The following ATP2C1 variants were observed in gnomAD, a reference collection of about 807,000 sequenced individuals.
ATP2C1 encodes ATPase secretory pathway Ca2+ transporting 1, also known as calcium-transporting ATPase type 2C member 1.
ATP2C1 carries 31 observed loss-of-function variants against 120.5 expected under a neutral mutation model. That is an observed-to-expected ratio of 0.26 (90% CI 0.19 to 0.35). The LOEUF (loss-of-function observed/expected upper bound fraction) is 0.35. Ranked by LOEUF, ATP2C1 falls within the 10% of genes least tolerant of loss-of-function variation. The pLI is 1.00. For synonymous variants in ATP2C1, 351 were observed against 358.7 expected, an observed-to-expected ratio of 0.98 and a Z score of 0.24; for missense variants, 731 against 1,107.5, an observed-to-expected ratio of 0.66 and a Z score of 4.83.
intron 4 of ATP2C1, 61 bp downstream of exon 4, chr3:130,932,199 G>A (rs1263637096): frequency 2.9e-6 from 3 of 1,033,410 alleles, no homozygotes; most frequent in Non-Finnish European, 4.6e-6. Flanking sequence ...CTTCTGTTAT[G>A]TAGTTGCTTA....
chr3:130,982,067 T>C (rs2061792026), intron 20 of ATP2C1, among the ~76,000 whole-genome samples: 1 of 152,166 alleles, frequency 6.6e-6, no homozygotes, highest in Non-Finnish European at 1.5e-5. Context: ...TGGACTATGC[T>C]TTTGATATCT....
chr3:130,883,307 A>C (rs2068844849), intron 1 of ATP2C1, among the ~76,000 whole-genome samples: 2 of 151,028 alleles, frequency 1.3e-5, no homozygotes, highest in Non-Finnish European at 1.5e-5. Flanking sequence ...TTTTTGTTTC[A>C]TTGACATTTT....
intron 24 of ATP2C1, 86 bp from the exon 25 acceptor site, chr3:130,997,520 G>A (rs985605274): frequency 3.6e-5 from 46 of 1,278,874 alleles, no homozygotes; most frequent in East Asian, 2.6e-4. Context: ...TTAGTTTGCC[G>A]AATAATTGAG....
chr3:130,877,136 A>G (rs2068629840), intron 1 of ATP2C1, among the ~76,000 whole-genome samples: 1 of 152,152 alleles, frequency 6.6e-6, no homozygotes, highest in African/African-American at 2.4e-5. Context: ...TGATATAAGT[A>G]TAGCTACTCC....
At position 130,941,222 on chromosome 3, in the gene ATP2C1, C is replaced by CTGTGTGTGTG. The variant is rs1448986686; in HGVS notation, c.423-369_423-368insTGTGTGTGTG. On this transcript the variant is annotated intron_variant, in intron 7 of 27. Transcript: ENST00000510168. ...AGCCACCGCGCCCGGCTGTATTTAACAGTGTGTGTGTGTGTGTGTGTGTGT... is the reference window on the plus strand; with the variant it reads ...AGCCACCGCGCCCGGCTGTATTTAACTGTGTGTGTGAGTGTGTGTGTGTGTGTGTGTGTGT... Among the ~76,000 whole-genome samples, 161 of 105,206 alleles carry CTGTGTGTGTG rather than the reference C, an allele frequency of 1.5e-3. 1 individual carries two copies. Among genetic ancestry groups the CTGTGTGTGTG allele is most frequent in the African/African-American group, 5.0e-3 (145 of 29,228 alleles). The allele number at this position is 105,206 out of a possible 152,430, so 69.0% of individuals were successfully genotyped here.
chr3:130,991,931 G>A (rs1053648360), intron 20 of ATP2C1, among the ~76,000 whole-genome samples: 3 of 152,192 alleles, frequency 2.0e-5, no homozygotes, highest in Non-Finnish European at 4.4e-5. Flanking sequence ...TTGCAGGTAC[G>A]AGGAGAGAAA....
chr3:130,898,295 C>T (rs2069820456), intron 2 of ATP2C1, among the ~76,000 whole-genome samples: 1 of 152,142 alleles, frequency 6.6e-6, no homozygotes, highest in Non-Finnish European at 1.5e-5. Context: ...GTTGTATTTA[C>T]ACTTTACTTT....
At chr3:130,931,086 G>A (rs760580863) in intron 3 of ATP2C1, among the ~76,000 whole-genome samples, 8 of 152,010 alleles carry the variant, frequency 5.3e-5, no homozygotes, top group Non-Finnish European at 1.0e-4. Context: ...TCCTTCAGCA[G>A]TCACATATCT....
At position 130,953,874 on chromosome 3, in the gene ATP2C1, T is replaced by G. The variant is rs2760272; in HGVS notation, c.585T>G (p.Cys195Trp). 6.2e-7 allele frequency: 1 copy of G among 1,613,974 alleles called. No individual in the cohort carries two copies. The highest frequency in any genetic ancestry group is 1.3e-5 in the African/African-American group (1 of 74,930). ...ESSLTGETTP[C>W]SKVTAPQPAA... ...GCTTGACAGGTGAGACAACGCCTTG[T>G]TCTAAGGTGACAGCTCCTCAGCCAG... The change falls in exon 9 of 28, where the codon TGT (cysteine) becomes TGG (tryptophan). Residue 195 changes from cysteine to tryptophan, a missense_variant. Cys to Trp is a radical substitution (Grantham distance 215). This residue lies in a region of ATP2C1 where 571 missense variants were observed against 845.9 expected (regional missense o/e 0.67). Coordinates refer to ENST00000510168, the MANE Select transcript of ATP2C1 (RefSeq NM_001378687.1).
chr3:130,940,460 A>C (rs1216852127), intron 6 of ATP2C1, among the ~76,000 whole-genome samples, 170 bp from the exon 7 acceptor site: 3 of 152,220 alleles, frequency 2.0e-5, no homozygotes, highest in African/African-American at 7.2e-5. Context: ...TGATCTCTAC[A>C]TTTAACATTT....
At chr3:130,885,837 G>C (rs1471998389) in intron 1 of ATP2C1, among the ~76,000 whole-genome samples, 1 of 152,140 alleles carries the variant, frequency 6.6e-6, no homozygotes, top group East Asian at 1.9e-4. Flanking sequence ...TTACCAGCGA[G>C]TTTGTACATA....
intron 8 of ATP2C1, among the ~76,000 whole-genome samples, chr3:130,947,872 A>G (rs536953134): frequency 6.6e-6 from 1 of 151,826 alleles, no homozygotes; most frequent in East Asian, 1.9e-4. Context: ...CTTAGTGATT[A>G]TATGTGGATT....
downstream of ATP2C1, among the ~76,000 whole-genome samples, chr3:131,003,624 GATGAAACAAAAGTGAAACC>G (rs1367334687): frequency 6.6e-6 from 1 of 152,206 alleles, no homozygotes; most frequent in Non-Finnish European, 1.5e-5. Context: ...ATGACCCAGA[GATGAAACAAAAGTGAAACC>G]ATGAAACCCG....
At position 130,944,887 on chromosome 3, in the gene ATP2C1, A is replaced by G. The variant is rs1385548120; in HGVS notation, c.531+3188A>G. Among the ~76,000 whole-genome samples the G allele has an allele frequency of 2.6e-5, 4 of 152,238 alleles. No individual in the cohort carries two copies. In the East Asian group the frequency reaches 7.7e-4, roughly 29 times the overall value. ...ACATACAATTGAGTAGTATTTATAT[A>G]TAACCTCTGCACATTTTTCTGTATA... On this transcript the variant is annotated intron_variant, in intron 8 of 27. Coordinates refer to ENST00000510168, the MANE Select transcript of ATP2C1 (RefSeq NM_001378687.1).
chr3:130,853,958 A>T (rs1189012894), intron 1 of ATP2C1, among the ~76,000 whole-genome samples: 1 of 152,164 alleles, frequency 6.6e-6, no homozygotes, highest in Non-Finnish European at 1.5e-5. Context: ...GGTCCAAATT[A>T]TGATCATTGT....
chr3:130,973,400 A>G (rs1418555199), intron 17 of ATP2C1, among the ~76,000 whole-genome samples: 3 of 152,196 alleles, frequency 2.0e-5, no homozygotes, highest in Non-Finnish European at 4.4e-5. Context: ...CTTAGGAACT[A>G]AAGTATGGTA....
At chr3:131,015,537 CCTT>C (rs2063578833) in intron 26 of ATP2C1, among the ~76,000 whole-genome samples, 1 of 152,172 alleles carries the variant, frequency 6.6e-6, no homozygotes, top group Admixed American at 6.6e-5. Flanking sequence ...CCCTTATTGT[CCTT>C]CTTGCCTGGT....
chr3:130,934,256 C>G (rs374413602), intron 4 of ATP2C1, among the ~76,000 whole-genome samples: 1 of 152,108 alleles, frequency 6.6e-6, no homozygotes, highest in South Asian at 2.1e-4. Context: ...TTCAGTATTT[C>G]GCCCAAATTT....
At chr3:130,973,095 C>T (rs1165286484) in intron 17 of ATP2C1, among the ~76,000 whole-genome samples, 1 of 151,900 alleles carries the variant, frequency 6.6e-6, no homozygotes, top group African/African-American at 2.4e-5. Flanking sequence ...TACAGAAGAT[C>T]CAGTAATTAC....
Sources: gnomAD v4.1 joint callset for allele counts (sites outside exome capture counted in the v4.1 genomes callset) on GRCh38, gnomAD v4.1.1 for gene constraint, gnomAD v4.1.1 regional missense constraint, MANE v1.5 for transcripts, NCBI Gene and HGNC (gene_info 2026-07-23, HGNC 2026-07-21) for gene names.